Variants in MLLT3 observed in about 807,000 individuals in gnomAD.
MLLT3 encodes the protein MLLT3 super elongation complex subunit, also known as protein AF-9.
In MLLT3, 4 loss-of-function variants were observed where a neutral mutation model predicts 53.2. That is an observed-to-expected ratio of 0.08 (90% CI 0.04 to 0.17). MLLT3 has a LOEUF of 0.17. Ranked by LOEUF, MLLT3 falls within the 10% of genes least tolerant of loss-of-function variation. MLLT3 has a pLI of 1.00. For synonymous variants in MLLT3, 283 were observed against 230.6 expected (o/e 1.23, Z -2.06); for missense variants, 569 against 684.0 (o/e 0.83, Z 1.87).
intron 2 of MLLT3, among the ~76,000 whole-genome samples, chr9:20,612,840 A>C: frequency 6.6e-6 from 1 of 152,176 alleles, no homozygotes; most frequent in East Asian, 1.9e-4. Context: ...TTTTCTTGAC[A>C]GAGTATAAAC....
At chr9:20,447,798 C>T (rs1287016093) in intron 4 of MLLT3, among the ~76,000 whole-genome samples, 1 of 152,108 alleles carries the variant, frequency 6.6e-6, no homozygotes, top group African/African-American at 2.4e-5. Context: ...ACTGATATAA[C>T]ACAGTTCAAA....
chr9:20,517,663 C>A (rs748151776), intron 2 of MLLT3, among the ~76,000 whole-genome samples: 17 of 151,884 alleles, frequency 1.1e-4, no homozygotes, highest in Non-Finnish European at 1.9e-4. Context: ...ATGGTGAAAC[C>A]TCATCTCTAC....
intron 4 of MLLT3, among the ~76,000 whole-genome samples, chr9:20,434,396 A>G (rs78580934): frequency 6.6e-6 from 1 of 152,216 alleles, no homozygotes; most frequent in Non-Finnish European, 1.5e-5. Context: ...GATTATTTCC[A>G]ATTTTTTTTA....
chr9:20,603,335 ACTTTTACCT>A (rs1340902952), intron 2 of MLLT3, among the ~76,000 whole-genome samples: 1 of 152,044 alleles, frequency 6.6e-6, no homozygotes, highest in Non-Finnish European at 1.5e-5. Flanking sequence ...CAAGAACACC[ACTTTTACCT>A]CTTAGGTCAA....
chr9:20,477,522 A>G (rs61286959), intron 2 of MLLT3, among the ~76,000 whole-genome samples: 2,470 of 152,230 alleles, frequency 0.016, 56 homozygotes, highest in Middle Eastern at 0.068. Context: ...TATCACCTTT[A>G]TGTGAGCTTA....
rs1820824608 is a variant in MLLT3 at position 20,344,834 on chromosome 9, T to A, written c.*1609A>T. The A allele has an allele frequency of 4.8e-6, 1 of 210,518 alleles. No individual in the cohort carries two copies. Among genetic ancestry groups the A allele is most frequent in the Non-Finnish European group, 9.6e-6 (1 of 103,750 alleles). 13.0% of individuals were successfully genotyped at this position (210,518 alleles called of 1,614,324 possible). ...GTACAGACACTAGTTAATCTCTGTA[T>A]GAAAAGACAGCATCTGGCATGGGAA... is the stretch of plus-strand genomic sequence containing the variant. On this transcript the variant is annotated 3_prime_UTR_variant, in exon 11 of 11. Transcript: ENST00000380338.
chr9:20,588,479 G>A (rs535718095), intron 2 of MLLT3, among the ~76,000 whole-genome samples: 3 of 152,310 alleles, frequency 2.0e-5, no homozygotes, highest in East Asian at 3.9e-4. Flanking sequence ...CATGAGCATG[G>A]AACGTTCTTC....
intron 2 of MLLT3, among the ~76,000 whole-genome samples, chr9:20,563,645 C>A (rs1223911268): frequency 1.3e-5 from 2 of 152,106 alleles, no homozygotes; most frequent in South Asian, 4.1e-4. Flanking sequence ...TAAAGCCTCT[C>A]AGCTGGGTTA....
chr9:20,502,093 A>AGGGGG (rs66552889), intron 2 of MLLT3, among the ~76,000 whole-genome samples: 2 of 88,892 alleles, frequency 2.2e-5, no homozygotes, highest in African/African-American at 7.6e-5. Context: ...AAAAAAAAAA[A>AGGGGG]GGGGGGGGGG....
chr9:20,397,845 A>G lies in MLLT3; in HGVS notation c.1125+15876T>C, dbSNP rs531475304. ...CTCATAGATGTAATGGCTCTTTTAAAACCACTCTTAGAAATGCTACAGTGT... is the reference window on the plus strand; with the variant it reads ...CTCATAGATGTAATGGCTCTTTTAAGACCACTCTTAGAAATGCTACAGTGT... On this transcript the variant is annotated intron_variant, in intron 5 of 10. Coordinates refer to ENST00000380338, the MANE Select transcript of MLLT3 (RefSeq NM_004529.4). 2.6e-5 allele frequency among the ~76,000 whole-genome samples: 4 copies of G among 152,194 alleles called. No individual in the cohort carries two copies. The South Asian group carries it at 8.3e-4, about 32-fold the overall frequency.
intron 2 of MLLT3, among the ~76,000 whole-genome samples, chr9:20,463,930 T>G (rs1011731862): frequency 6.6e-6 from 1 of 152,076 alleles, no homozygotes; most frequent in Admixed American, 6.5e-5. Context: ...GGGAACATTT[T>G]CATTTCAGTG....
At chr9:20,377,173 G>C (rs1360669954) in intron 5 of MLLT3, among the ~76,000 whole-genome samples, 1 of 152,152 alleles carries the variant, frequency 6.6e-6, no homozygotes, top group African/African-American at 2.4e-5. Flanking sequence ...CCATAATTAA[G>C]TGTTATTGGA....
At chr9:20,604,353 G>A (rs2131201132) in intron 2 of MLLT3, among the ~76,000 whole-genome samples, 1 of 152,014 alleles carries the variant, frequency 6.6e-6, no homozygotes, top group East Asian at 1.9e-4. Flanking sequence ...AATTATCAAG[G>A]ATTATAAGTC....
At chr9:20,379,832 G>C (rs1464232309) in intron 5 of MLLT3, among the ~76,000 whole-genome samples, 2 of 151,956 alleles carry the variant, frequency 1.3e-5, no homozygotes, top group Admixed American at 6.6e-5. Context: ...TGGAAACAAA[G>C]CTATCTTTAA....
At chr9:20,426,995 G>A (rs1359743867) in intron 4 of MLLT3, among the ~76,000 whole-genome samples, 2 of 152,046 alleles carry the variant, frequency 1.3e-5, no homozygotes, top group Non-Finnish European at 2.9e-5. Context: ...CAGAAACCAA[G>A]AAGAAGCCTT....
At chr9:20,612,675 T>C (rs1361830121) in intron 2 of MLLT3, among the ~76,000 whole-genome samples, 1 of 150,968 alleles carries the variant, frequency 6.6e-6, no homozygotes, top group Admixed American at 6.6e-5. Flanking sequence ...AAAGAGGAAA[T>C]CAAAATAGTC....
chr9:20,421,854 AT>A (rs1424189360), intron 4 of MLLT3, among the ~76,000 whole-genome samples: 2 of 152,090 alleles, frequency 1.3e-5, no homozygotes, highest in Non-Finnish European at 2.9e-5. Flanking sequence ...GAGAGAGAGA[AT>A]GTACTAAGGG....
chr9:20,398,465 A>T (rs568979068), intron 5 of MLLT3, among the ~76,000 whole-genome samples: 1 of 152,304 alleles, frequency 6.6e-6, no homozygotes, highest in East Asian at 1.9e-4. Context: ...ATTTAAAGCT[A>T]TTCTGTCTTG....
chr9:20,351,172 G>A (rs928139173), intron 10 of MLLT3, among the ~76,000 whole-genome samples: 3 of 152,200 alleles, frequency 2.0e-5, no homozygotes, highest in Non-Finnish European at 4.4e-5. Flanking sequence ...ATTTCTCAGG[G>A]AGGGTTCTCT....
Sources: gnomAD v4.1 joint callset for allele counts (sites outside exome capture counted in the v4.1 genomes callset) on GRCh38, gnomAD v4.1.1 for gene constraint, MANE v1.5 for transcripts, NCBI Gene and HGNC (gene_info 2026-07-23, HGNC 2026-07-21) for gene names.